HEPH: variants seen among roughly 807,000 people sequenced by gnomAD.
The protein encoded by HEPH is hephaestin.
Under a neutral mutation model 80.8 loss-of-function variants are expected in HEPH, and 69 were observed. The ratio of observed to expected loss-of-function variants is 0.85; its 90% CI spans 0.70 to 1.04. The LOEUF (loss-of-function observed/expected upper bound fraction) is 1.04. Among genes scored for constraint, HEPH ranks in the 50% least tolerant of loss-of-function variants. HEPH has a pLI of 0.00. For synonymous variants in HEPH, 431 were observed against 322.8 expected, an observed-to-expected ratio of 1.34 and a Z score of -3.60; for missense variants, 1,115 against 891.3, an observed-to-expected ratio of 1.25 and a Z score of -3.20.
intron 15 of HEPH, among the ~76,000 whole-genome samples, chrX:66,252,774 A>G (rs2091047891): frequency 8.9e-6 from 1 of 112,448 alleles, no homozygotes; most frequent in African/African-American, 3.2e-5. Context: ...TCAATAGAAT[A>G]GAATTGAAGA....
intron 14 of HEPH, 143 bp from the exon 15 acceptor site, chrX:66,207,972 A>T: frequency 2.4e-6 from 1 of 417,302 alleles, no homozygotes; most frequent in Non-Finnish European, 4.0e-6. Flanking sequence ...GGAGCCAGCC[A>T]TGCCTTCTAG....
chrX:66,226,744 G>T (rs1040191836), intron 15 of HEPH, among the ~76,000 whole-genome samples: 5 of 111,480 alleles, frequency 4.5e-5, no homozygotes, highest in Non-Finnish European at 9.4e-5. Flanking sequence ...AAAGCAGAAA[G>T]AAATAGAAAC....
chrX:66,163,366 G>GT (rs1055961507), upstream of HEPH, among the ~76,000 whole-genome samples: 566 of 105,176 alleles, frequency 5.4e-3, 2 homozygotes, highest in African/African-American at 0.018. Flanking sequence ...GGAACATTTT[G>GT]TTTTTTTTTT....
chrX:66,209,617 A>G (rs1167159057), intron 15 of HEPH, among the ~76,000 whole-genome samples: 1 of 112,610 alleles, frequency 8.9e-6, no homozygotes, highest in Non-Finnish European at 1.9e-5. Flanking sequence ...AATAGATTCT[A>G]AAAAGATCAA....
chrX:66,233,724 A>G (rs2090248726), intron 15 of HEPH, among the ~76,000 whole-genome samples: 1 of 110,386 alleles, frequency 9.1e-6, no homozygotes, highest in Admixed American at 9.8e-5. Context: ...ACTATACTAT[A>G]TATTAAAATT....
intron 15 of HEPH, among the ~76,000 whole-genome samples, chrX:66,232,527 G>A (rs968989921): frequency 4.5e-5 from 5 of 111,089 alleles, no homozygotes; most frequent in Admixed American, 9.6e-5. Flanking sequence ...TATAATGTCC[G>A]TATGAAATCC....
At position 66,198,871 on chromosome X, in the gene HEPH, C is replaced by A; in HGVS notation, c.1714-7C>A. On this transcript the variant is annotated splice_polypyrimidine_tract_variant and splice_region_variant and intron_variant, in intron 10 of 20. Coordinates refer to ENST00000343002, the MANE Select transcript of HEPH (RefSeq NM_001367233.3). ...ATTCCCTCTACTTTCTTCTATTGGG[C>A]CTGCAGAAAGGGGTGGATAAAGAAT... 4 of 1,177,702 alleles carry A rather than the reference C, an allele frequency of 3.4e-6. No homozygotes were observed. The highest frequency in any genetic ancestry group is 4.6e-6 in the Non-Finnish European group (4 of 865,339).
At chrX:66,171,641 G>C (rs1315599215) in intron 2 of HEPH, among the ~76,000 whole-genome samples, 1 of 111,666 alleles carries the variant, frequency 9.0e-6, no homozygotes, top group Non-Finnish European at 1.9e-5. Context: ...TGTCTTTTTT[G>C]ACACAAAATA....
chrX:66,168,884 G>A (rs2086476447), intron 1 of HEPH, among the ~76,000 whole-genome samples: 1 of 111,750 alleles, frequency 8.9e-6, no homozygotes, highest in Admixed American at 9.6e-5. Flanking sequence ...GCCTACATGA[G>A]TATGTATGTC....
intron 19 of HEPH, among the ~76,000 whole-genome samples, chrX:66,262,016 A>G (rs2091380540): frequency 8.9e-6 from 1 of 112,424 alleles, no homozygotes; most frequent in Non-Finnish European, 1.9e-5. Flanking sequence ...TTCAATACAT[A>G]TTGCCAGGGT....
At chrX:66,202,305 A>G (rs959410071) in intron 12 of HEPH, among the ~76,000 whole-genome samples, 8 of 111,747 alleles carry the variant, frequency 7.2e-5, no homozygotes, top group African/African-American at 2.6e-4. Context: ...GTTTGAGACA[A>G]TGTGTGGGAG....
At chrX:66,186,566 A>G (rs953526110) in intron 4 of HEPH, among the ~76,000 whole-genome samples, 1 of 112,500 alleles carries the variant, frequency 8.9e-6, no homozygotes, top group Non-Finnish European at 1.9e-5. Context: ...CGGCTCGCGC[A>G]TGGTGCGCAC....
intron 15 of HEPH, among the ~76,000 whole-genome samples, chrX:66,222,841 T>G (rs929433713): frequency 8.9e-6 from 1 of 112,117 alleles, no homozygotes; most frequent in Admixed American, 9.4e-5. Context: ...AATACAATAG[T>G]TTGAGGCAAA....
intron 9 of HEPH, among the ~76,000 whole-genome samples, chrX:66,196,270 A>T (rs2088087953): frequency 9.0e-6 from 1 of 111,678 alleles, no homozygotes; most frequent in Non-Finnish European, 1.9e-5. Context: ...CAAACAAACA[A>T]AAACTGTATG....
intron 10 of HEPH, 32 bp downstream of exon 10, chrX:66,197,926 G>T: frequency 1.8e-6 from 2 of 1,130,912 alleles, no homozygotes; most frequent in Non-Finnish European, 2.4e-6. Flanking sequence ...TGGAAAGCCT[G>T]CTGGGAGAAG....
chrX:66,230,245 T>G (rs2090071476), intron 15 of HEPH, among the ~76,000 whole-genome samples: 2 of 92,637 alleles, frequency 2.2e-5, no homozygotes, highest in Admixed American at 1.2e-4. Flanking sequence ...TACGTGTGCA[T>G]GTGTCTTTAT....
At chrX:66,216,105 T>A (rs1048109700) in intron 15 of HEPH, among the ~76,000 whole-genome samples, 1 of 111,139 alleles carries the variant, frequency 9.0e-6, no homozygotes, top group Non-Finnish European at 1.9e-5. Context: ...AATTCTGCAC[T>A]CCTGGTAGCC....
downstream of HEPH, chrX:66,267,879 G>A (rs2091577751): frequency 9.0e-6 from 1 of 111,229 alleles, no homozygotes; most frequent in South Asian, 3.8e-4. Flanking sequence ...TGGGTAAGAT[G>A]GCCCACCCCA....
chrX:66,173,721 C>T lies in HEPH; in HGVS notation c.545C>T (p.Thr182Ile). 2 of 1,208,813 alleles carry T rather than the reference C, an allele frequency of 1.7e-6. No homozygotes were observed. Among genetic ancestry groups the T allele is most frequent in the Non-Finnish European group, 1.1e-6 (1 of 893,895 alleles). Residue 182 changes from threonine (T) to isoleucine (I), a missense_variant, in exon 4 of 21, where the codon ACC becomes ATC. By Grantham distance (89) the Thr-to-Ile change is moderately conservative. Coordinates refer to ENST00000343002, the MANE Select transcript of HEPH (RefSeq NM_001367233.3). ...APTDADPACL[T>I]WIYHSHVDAP... is the part of the protein sequence containing the mutation. Reference sequence around the variant, plus strand: ...ACCGATGCTGACCCAGCGTGCCTCACCTGGATCTACCATTCTCATGTAGAT... The same window carrying T: ...ACCGATGCTGACCCAGCGTGCCTCATCTGGATCTACCATTCTCATGTAGAT...
Sources: gnomAD v4.1 joint callset for allele counts (sites outside exome capture counted in the v4.1 genomes callset) on GRCh38, gnomAD v4.1.1 for gene constraint, MANE v1.5 for transcripts, NCBI Gene and HGNC (gene_info 2026-07-23, HGNC 2026-07-21) for gene names.